The following SLC47A1 variants were observed in gnomAD, a reference collection of about 807,000 sequenced individuals.
SLC47A1 encodes multidrug and toxin extrusion protein 1.
A neutral mutation model predicts 65.8 loss-of-function variants in SLC47A1; 58 were observed. The ratio of observed to expected loss-of-function variants is 0.88; its 90% CI spans 0.71 to 1.10. The LOEUF is 1.10. SLC47A1 is among the 50% of genes least tolerant of loss of function. The probability of loss-of-function intolerance (pLI) is 0.00; values close to 1 mark genes in which losing one functional copy is unlikely to be tolerated. For missense variants in SLC47A1, 706 were observed against 719.2 expected, an observed-to-expected ratio of 0.98 and a Z score of 0.21; for synonymous variants, 285 against 295.0, an observed-to-expected ratio of 0.97 and a Z score of 0.35.
intron 16 of SLC47A1, among the ~76,000 whole-genome samples, chr17:19,577,070 G>A (rs539179949): frequency 9.9e-5 from 15 of 152,180 alleles, no homozygotes; most frequent in African/African-American, 2.6e-4. Context: ...TAATGGAGAG[G>A]GCTACCTTAT....
chr17:19,553,689 G>T (rs1916519438), intron 6 of SLC47A1, among the ~76,000 whole-genome samples: 1 of 151,878 alleles, frequency 6.6e-6, no homozygotes, highest in African/African-American at 2.4e-5. Flanking sequence ...CTACAGGCGC[G>T]TGCCACCACG....
In SLC47A1 at chr17:19,572,871, G is replaced by C; in HGVS notation, c.1486+10G>C. 6.2e-7 allele frequency: 1 copy of C among 1,613,644 alleles called. No individual in the cohort carries two copies. The highest frequency in any genetic ancestry group is 8.5e-7 in the Non-Finnish European group (1 of 1,179,562). On this transcript the variant is annotated intron_variant, in intron 16 of 16. Transcript: ENST00000270570. ...GATCCGCTTCACCCAGGTAAGATAT[G>C]ACTCCCTCAGCCCTTGGACAGGCCT...
At chr17:19,542,768 A>ATTTAT (rs1460984868) in intron 2 of SLC47A1, among the ~76,000 whole-genome samples, 11 of 146,380 alleles carry the variant, frequency 7.5e-5, no homozygotes, top group Non-Finnish European at 1.0e-4. Flanking sequence ...ACATCTTCTC[A>ATTTAT]TTTATTTTAT....
rs1300606451 is a variant in SLC47A1 at position 19,572,834 on chromosome 17, G to A, written c.1459G>A (p.Ala487Thr). Residue 487 changes from alanine (A) to threonine (T), a missense_variant, in exon 16 of 17, where the codon GCT becomes ACT. By Grantham distance (58) the Ala-to-Thr change is moderately conservative (BLOSUM62 0). Transcript: ENST00000270570. ...VNNVPRSGNS[A>T]LPQDPLHPGC... Reference sequence around the variant, plus strand: ...CAACGTGCCTCGGAGTGGGAATTCTGCTCTCCCTCAGGATCCGCTTCACCC... The same window carrying A: ...CAACGTGCCTCGGAGTGGGAATTCTACTCTCCCTCAGGATCCGCTTCACCC... 2 of 1,613,970 alleles carry A rather than the reference G, an allele frequency of 1.2e-6. No homozygotes were observed. The highest frequency in any genetic ancestry group is 2.7e-5 in the African/African-American group (2 of 74,880).
chr17:19,537,558 C>A (rs778846690), intron 1 of SLC47A1, among the ~76,000 whole-genome samples: 29 of 152,328 alleles, frequency 1.9e-4, no homozygotes, highest in Non-Finnish European at 5.9e-5. Flanking sequence ...GGGTGAGGTC[C>A]GGCCCCCACG....
intron 12 of SLC47A1, among the ~76,000 whole-genome samples, chr17:19,566,379 A>T (rs1054869164): frequency 6.6e-6 from 1 of 152,166 alleles, no homozygotes; most frequent in African/African-American, 2.4e-5. Flanking sequence ...ACTGTCCCTG[A>T]CTAGGCTGCT....
intron 6 of SLC47A1, among the ~76,000 whole-genome samples, chr17:19,551,917 A>G (rs1916460479): frequency 6.6e-6 from 1 of 152,218 alleles, no homozygotes; most frequent in South Asian, 2.1e-4. Context: ...TTGAGGATGT[A>G]AGAGCTCAAA....
intron 16 of SLC47A1, among the ~76,000 whole-genome samples, chr17:19,575,770 TG>T (rs566166906): frequency 3.4e-4 from 52 of 152,246 alleles, no homozygotes; most frequent in African/African-American, 1.2e-3. Flanking sequence ...TTGAAACTGT[TG>T]GGGTGAAGGA....
At position 19,572,825 on chromosome 17, in the gene SLC47A1, G is replaced by A. The variant is rs776667040; in HGVS notation, c.1450G>A (p.Gly484Arg). The change falls in exon 16 of 17, where the codon GGG becomes AGG. Residue 484 changes from glycine (G) to arginine (R), a missense_variant. By Grantham distance (125) the Gly-to-Arg change is moderately radical. Coordinates refer to ENST00000270570, the MANE Select transcript of SLC47A1 (RefSeq NM_018242.3). ...GAAAGTAAACAACGTGCCTCGGAGT[G>A]GGAATTCTGCTCTCCCTCAGGATCC... is the stretch of plus-strand genomic sequence containing the variant. ...NLKVNNVPRS[G>R]NSALPQDPLH... is the part of the protein sequence containing the mutation. 8 of 1,614,028 alleles carry A rather than the reference G, an allele frequency of 5.0e-6. No homozygotes were observed. In the Admixed American group the frequency reaches 6.7e-5, roughly 13 times the overall value.
chr17:19,547,647 G>C (rs140038595), intron 3 of SLC47A1, among the ~76,000 whole-genome samples: 1 of 150,636 alleles, frequency 6.6e-6, no homozygotes, highest in Non-Finnish European at 1.5e-5. Flanking sequence ...AGCTGAGTTT[G>C]AGAAGCATCT....
chr17:19,547,582 T>C (rs1916323273), intron 3 of SLC47A1, among the ~76,000 whole-genome samples: 3 of 151,972 alleles, frequency 2.0e-5, no homozygotes, highest in Admixed American at 2.0e-4. Flanking sequence ...GTGAATTAAG[T>C]CCAGAATATC....
At chr17:19,564,345 T>C (rs751109148) in intron 12 of SLC47A1, among the ~76,000 whole-genome samples, 1 of 151,248 alleles carries the variant, frequency 6.6e-6, no homozygotes, top group Non-Finnish European at 1.5e-5. Flanking sequence ...TGAGACCCTG[T>C]CTAAAAAAAA....
At position 19,541,342 on chromosome 17, in the gene SLC47A1, C is replaced by T. The variant is rs542192540; in HGVS notation, c.136-1051C>T. ...GTCAGGTGAACTCCCCATTTTGGGC[C>T]GTGTAGCCTGCCAGGGGAGAGGGGC... On this transcript the variant is annotated intron_variant, in intron 1 of 16. Transcript: ENST00000270570. 5.9e-5 allele frequency among the ~76,000 whole-genome samples: 9 copies of T among 152,242 alleles called. No homozygotes were observed. In the South Asian group the frequency reaches 1.7e-3, roughly 28 times the overall value.
intron 16 of SLC47A1, among the ~76,000 whole-genome samples, chr17:19,573,371 A>G (rs1739758628): frequency 6.6e-6 from 1 of 152,090 alleles, no homozygotes; most frequent in Non-Finnish European, 1.5e-5. Context: ...TATAATTTAA[A>G]CACTTTGACT....
At chr17:19,565,611 C>T (rs1303960949) in intron 12 of SLC47A1, among the ~76,000 whole-genome samples, 2 of 135,966 alleles carry the variant, frequency 1.5e-5, no homozygotes, top group African/African-American at 5.8e-5. Flanking sequence ...GATGGACTCT[C>T]GCTCTGTCGC....
intron 12 of SLC47A1, among the ~76,000 whole-genome samples, chr17:19,565,741 C>T (rs945425068): frequency 2.0e-5 from 3 of 151,902 alleles, no homozygotes; most frequent in Non-Finnish European, 2.9e-5. Context: ...CCACCACGCC[C>T]GGCTAATTTT....
chr17:19,545,605 C>G (rs1916267891), intron 2 of SLC47A1, among the ~76,000 whole-genome samples: 1 of 152,136 alleles, frequency 6.6e-6, no homozygotes, highest in Admixed American at 6.5e-5. Flanking sequence ...ATCGTCCCAC[C>G]TCAGCCTCTG....
intron 3 of SLC47A1, 123 bp downstream of exon 3, chr17:19,546,626 C>G: frequency 1.2e-6 from 1 of 820,948 alleles, no homozygotes; most frequent in African/African-American, 1.7e-5. Context: ...CAGCCAGCAA[C>G]TCCTCTTCTC....
Position 19,577,593 on chromosome 17 carries a change from G to A in SLC47A1, c.*40G>A, listed in dbSNP as rs773713201. 3.7e-6 allele frequency: 6 copies of A among 1,610,328 alleles called. No homozygotes were observed. The highest frequency in any genetic ancestry group is 5.1e-6 in the Non-Finnish European group (6 of 1,177,836). Reference sequence around the variant, plus strand: ...AAGTCAGGTCAAGTGATGCTTTTGAGCTTACACACAATTCACAGGCCCACC... The same window carrying A: ...AAGTCAGGTCAAGTGATGCTTTTGAACTTACACACAATTCACAGGCCCACC... On this transcript the variant is annotated 3_prime_UTR_variant, in exon 17 of 17. Transcript: ENST00000270570.
Sources: allele counts gnomAD v4.1 joint callset (sites outside exome capture counted in the v4.1 genomes callset), GRCh38; gene constraint gnomAD v4.1.1; transcripts MANE v1.5; gene names NCBI Gene and HGNC (gene_info 2026-07-23, HGNC 2026-07-21).